AGBL4: variants seen among roughly 807,000 people sequenced by gnomAD.
AGBL4 encodes the protein AGBL carboxypeptidase 4.
In AGBL4, 58 loss-of-function variants were observed where a neutral mutation model predicts 66.4. That is an observed-to-expected ratio of 0.87 (90% CI 0.71 to 1.09). The LOEUF is 1.09. Ranked by LOEUF, AGBL4 falls within the 50% of genes least tolerant of loss-of-function variation. AGBL4 has a pLI of 0.00. For missense variants in AGBL4, 579 were observed against 631.0 expected, an observed-to-expected ratio of 0.92 and a Z score of 0.88; for synonymous variants, 234 against 222.9, an observed-to-expected ratio of 1.05 and a Z score of -0.44.
rs575155820 is a variant in AGBL4 at position 48,619,892 on chromosome 1, G to A, written c.951+14601C>T. 1.2e-4 allele frequency among the ~76,000 whole-genome samples: 19 copies of A among 152,322 alleles called. No homozygotes were observed. In the South Asian group the frequency reaches 3.7e-3, roughly 30 times the overall value. ...AGCCCCGCCCCAAGCCTCTCCTGGTGTCTGGAATCGCCCTTGGGGGATCTA... is the reference window on the plus strand; with the variant it reads ...AGCCCCGCCCCAAGCCTCTCCTGGTATCTGGAATCGCCCTTGGGGGATCTA... On this transcript the variant is annotated intron_variant, in intron 9 of 13. Transcript: ENST00000371839.
At chr1:49,017,249 C>T (rs904194821) in intron 5 of AGBL4, among the ~76,000 whole-genome samples, 3 of 152,156 alleles carry the variant, frequency 2.0e-5, no homozygotes, top group African/African-American at 7.2e-5. Context: ...CATTCTTGAA[C>T]ATCAGATTGC....
intron 6 of AGBL4, among the ~76,000 whole-genome samples, chr1:48,772,769 A>G (rs1644899852): frequency 6.6e-6 from 1 of 152,240 alleles, no homozygotes; most frequent in Admixed American, 6.5e-5. Flanking sequence ...AATAGTTTAG[A>G]TAAGAGCTGA....
At chr1:49,626,424 A>G (rs1645464428) in intron 3 of AGBL4, among the ~76,000 whole-genome samples, 2 of 152,154 alleles carry the variant, frequency 1.3e-5, no homozygotes, top group Non-Finnish European at 2.9e-5. Flanking sequence ...GAACCTTAAT[A>G]GTGGTACTAT....
In AGBL4 at chr1:49,751,096, T is replaced by C. The variant is rs369035398; in HGVS notation, c.158-53659A>G. On this transcript the variant is annotated intron_variant, in intron 2 of 13. Coordinates refer to ENST00000371839, the MANE Select transcript of AGBL4 (RefSeq NM_032785.4). ...ACCTTTATTTCTTTCACTTGTGTGA[T>C]TGCTCTGGCCAGAAATTCCAATACT... 3.3e-4 allele frequency among the ~76,000 whole-genome samples: 50 copies of C among 152,288 alleles called. 1 individual carries two copies. In the South Asian group the frequency reaches 9.5e-3, roughly 29 times the overall value.
At chr1:48,758,271 A>G (rs561836940) in intron 6 of AGBL4, among the ~76,000 whole-genome samples, 8 of 152,304 alleles carry the variant, frequency 5.3e-5, no homozygotes, top group Middle Eastern at 3.4e-3. Context: ...TAAAGTTTTC[A>G]AGTCCTTCCA....
chr1:49,655,512 A>G (rs1018543326), intron 3 of AGBL4, among the ~76,000 whole-genome samples: 1 of 152,234 alleles, frequency 6.6e-6, no homozygotes, highest in Non-Finnish European at 1.5e-5. Context: ...CAATGAGAAC[A>G]AAGACACAAC....
intron 1 of AGBL4, among the ~76,000 whole-genome samples, chr1:49,863,998 G>C (rs754337781): frequency 1.3e-5 from 2 of 152,020 alleles, no homozygotes; most frequent in Non-Finnish European, 2.9e-5. Context: ...GCAGCACTTT[G>C]GGAAAAACCG....
At chr1:48,546,685 T>A (rs1557776237) in intron 11 of AGBL4, among the ~76,000 whole-genome samples, 1 of 152,144 alleles carries the variant, frequency 6.6e-6, no homozygotes, top group Non-Finnish European at 1.5e-5. Flanking sequence ...CATATATGGG[T>A]TGTATCTGTA....
At chr1:49,136,665 A>G (rs1646016452) in intron 4 of AGBL4, among the ~76,000 whole-genome samples, 1 of 152,086 alleles carries the variant, frequency 6.6e-6, no homozygotes, top group African/African-American at 2.4e-5. Flanking sequence ...TAAGCACTAG[A>G]CTCTTTAATT....
At chr1:49,188,560 C>G (rs925137527) in intron 4 of AGBL4, among the ~76,000 whole-genome samples, 2 of 152,144 alleles carry the variant, frequency 1.3e-5, no homozygotes. Flanking sequence ...GAGTAATAAT[C>G]TCTATCCCCC....
Position 49,660,848 on chromosome 1 carries a change from G to A in AGBL4, c.282+36465C>T, listed in dbSNP as rs536618248. Among the ~76,000 whole-genome samples, 210 of 151,960 alleles carry A rather than the reference G, an allele frequency of 1.4e-3. 1 individual carries two copies. Among genetic ancestry groups the A allele is most frequent in the African/African-American group, 4.8e-3 (200 of 41,446 alleles). ...CTATTATCATCAGCAAACTAACACA[G>A]GAACAGAAAAACAAATACCACATGT... On this transcript the variant is annotated intron_variant, in intron 3 of 13. Coordinates refer to ENST00000371839, the MANE Select transcript of AGBL4 (RefSeq NM_032785.4).
At chr1:49,622,272 G>A (rs956981667) in intron 3 of AGBL4, among the ~76,000 whole-genome samples, 3 of 152,150 alleles carry the variant, frequency 2.0e-5, no homozygotes, top group African/African-American at 7.2e-5. Flanking sequence ...GGAGTTATTA[G>A]GTGTAAGAAT....
intron 3 of AGBL4, among the ~76,000 whole-genome samples, chr1:49,543,524 A>C (rs998627513): frequency 3.3e-5 from 5 of 152,112 alleles, no homozygotes; most frequent in Admixed American, 2.0e-4. Flanking sequence ...CCTTTTAGCG[A>C]TGTCTGACCA....
chr1:49,330,223 C>T lies in AGBL4; in HGVS notation c.283-84359G>A, dbSNP rs560057797. Among the ~76,000 whole-genome samples the T allele has an allele frequency of 2.0e-5, 3 of 152,284 alleles. No individual in the cohort carries two copies. In the South Asian group the frequency reaches 6.2e-4, roughly 32 times the overall value. On this transcript the variant is annotated intron_variant, in intron 3 of 13. Coordinates refer to ENST00000371839, the MANE Select transcript of AGBL4 (RefSeq NM_032785.4). ...CCTGAGGTCAGGAGTTCAAGACCAG[C>T]CTGGCCAAAATGGTGAAACCCTGTC... is the stretch of plus-strand genomic sequence containing the variant.
At chr1:48,669,764 G>C (rs763864697) in intron 6 of AGBL4, among the ~76,000 whole-genome samples, 1 of 152,160 alleles carries the variant, frequency 6.6e-6, no homozygotes, top group East Asian at 1.9e-4. Context: ...CCTTGGTCAA[G>C]CAGGACCAAA....
At chr1:48,761,103 CTG>C (rs1172588363) in intron 6 of AGBL4, 3 of 478,874 alleles carry the variant, frequency 6.3e-6, no homozygotes, top group African/African-American at 5.8e-5. Context: ...ACTGCACAGA[CTG>C]TGCAAACAGG....
intron 3 of AGBL4, among the ~76,000 whole-genome samples, chr1:49,348,611 G>C (rs1232392215): frequency 1.3e-5 from 2 of 152,204 alleles, no homozygotes; most frequent in African/African-American, 4.8e-5. Flanking sequence ...TTCTGTCCCA[G>C]AGCCTCCAGA....
intron 12 of AGBL4, 66 bp downstream of exon 12, chr1:48,539,576 A>G (rs1644029445): frequency 2.4e-6 from 3 of 1,272,036 alleles, no homozygotes; most frequent in Non-Finnish European, 3.2e-6. Flanking sequence ...AGGCTAAGGG[A>G]AGTTGCCCCT....
chr1:49,604,648 G>A (rs536952147), intron 3 of AGBL4, among the ~76,000 whole-genome samples: 1 of 152,054 alleles, frequency 6.6e-6, no homozygotes, highest in South Asian at 2.1e-4. Flanking sequence ...ATCATTTTAT[G>A]GATTTGTCCA....
Sources: gnomAD v4.1 joint callset for allele counts (sites outside exome capture counted in the v4.1 genomes callset) on GRCh38, gnomAD v4.1.1 for gene constraint, MANE v1.5 for transcripts, NCBI Gene and HGNC (gene_info 2026-07-23, HGNC 2026-07-21) for gene names.